MYRFL: variants seen among roughly 807,000 people sequenced by gnomAD.
MYRFL encodes myelin regulatory factor-like protein.
A neutral mutation model predicts 109.4 loss-of-function variants in MYRFL; 88 were observed. The observed-to-expected ratio is 0.80, with a 90% confidence interval of 0.68 to 0.96. The LOEUF is 0.96. Ranked by LOEUF, MYRFL falls within the 40% of genes least tolerant of loss-of-function variation. The probability of loss-of-function intolerance (pLI) is 0.00; values close to 1 mark genes in which losing one functional copy is unlikely to be tolerated. For synonymous variants in MYRFL, 324 were observed against 320.9 expected (o/e 1.01, Z -0.10); for missense variants, 957 against 954.9 (o/e 1.00, Z -0.03).
intron 17 of MYRFL, 43 bp downstream of exon 17, chr12:69,936,230 G>C (rs1450089938): frequency 2.0e-6 from 3 of 1,535,394 alleles, no homozygotes; most frequent in South Asian, 2.4e-5. Flanking sequence ...TTCCTTTGGA[G>C]AGAAGGATTT....
At chr12:69,928,779 A>G (rs1955179244) in intron 15 of MYRFL, among the ~76,000 whole-genome samples, 1 of 152,200 alleles carries the variant, frequency 6.6e-6, no homozygotes, top group Non-Finnish European at 1.5e-5. Flanking sequence ...CTCTTTGCAC[A>G]GCACTCAGCA....
At chr12:69,881,996 C>T (rs1415082658) in intron 5 of MYRFL, among the ~76,000 whole-genome samples, 16 of 152,182 alleles carry the variant, frequency 1.1e-4, no homozygotes, top group Non-Finnish European at 2.4e-4. Flanking sequence ...CAGGACAAGT[C>T]ACTCAAACCT....
intron 7 of MYRFL, among the ~76,000 whole-genome samples, chr12:69,891,666 TTTCTTTCTTTCTTTCTTTCGTTCG>T (rs1566002610): frequency 3.0e-5 from 3 of 101,640 alleles, no homozygotes; most frequent in Admixed American, 1.1e-4. Context: ...TCTTTCTTTC[TTTCTTTCTTTCTTTCTTTCGTTCG>T]TTCGTTCTTT....
intron 13 of MYRFL, 28 bp from the exon 14 acceptor site, chr12:69,926,543 T>C (rs532120076): frequency 1.4e-6 from 2 of 1,461,636 alleles, no homozygotes; most frequent in Non-Finnish European, 1.8e-6. Flanking sequence ...TGTTAATTTA[T>C]GCACTCTGTT....
At chr12:69,901,855 T>G in intron 10 of MYRFL, among the ~76,000 whole-genome samples, 1 of 147,248 alleles carries the variant, frequency 6.8e-6, no homozygotes, top group African/African-American at 2.5e-5. Context: ...CCCACTACCC[T>G]CCCACCCCAT....
intron 2 of MYRFL, among the ~76,000 whole-genome samples, chr12:69,860,951 T>A (rs1230809508): frequency 7.1e-6 from 1 of 140,332 alleles, no homozygotes; most frequent in African/African-American, 2.7e-5. Flanking sequence ...CCTGTGTCCA[T>A]GTGTTCTCAT....
intron 11 of MYRFL, 32 bp from the exon 12 acceptor site, chr12:69,909,937 G>C: frequency 2.8e-6 from 4 of 1,414,170 alleles, no homozygotes; most frequent in Non-Finnish European, 3.8e-6. Flanking sequence ...ATATCTATGC[G>C]AGTAAAATCT....
chr12:69,953,427 G>A (rs1396962960), intron 21 of MYRFL, among the ~76,000 whole-genome samples: 1 of 152,118 alleles, frequency 6.6e-6, no homozygotes, highest in Non-Finnish European at 1.5e-5. Flanking sequence ...AGAAGCAGAG[G>A]GTGCAAGTTG....
chr12:69,905,973 C>T (rs755208579), intron 11 of MYRFL, among the ~76,000 whole-genome samples: 67 of 152,132 alleles, frequency 4.4e-4, no homozygotes, highest in Non-Finnish European at 2.6e-4. Flanking sequence ...GGGGATCTGA[C>T]CCTTGGTCAA....
At chr12:69,884,942 C>T (rs577727190) in intron 5 of MYRFL, among the ~76,000 whole-genome samples, 10 of 152,148 alleles carry the variant, frequency 6.6e-5, no homozygotes, top group Non-Finnish European at 1.3e-4. Context: ...ATTGCTTGGC[C>T]CTTAAGTGTA....
chr12:69,831,736 C>T (rs556710954), intron 1 of MYRFL, among the ~76,000 whole-genome samples: 2 of 152,034 alleles, frequency 1.3e-5, no homozygotes, highest in African/African-American at 4.8e-5. Flanking sequence ...GATTTCTATC[C>T]TTGTATGAGA....
chr12:69,928,834 G>T (rs983143450), intron 15 of MYRFL, among the ~76,000 whole-genome samples: 2 of 152,164 alleles, frequency 1.3e-5, no homozygotes, highest in Non-Finnish European at 2.9e-5. Flanking sequence ...TGTAGGAAAG[G>T]TACCCTTTGG....
intron 13 of MYRFL, among the ~76,000 whole-genome samples, chr12:69,913,837 CA>C (rs2120401109): frequency 6.6e-6 from 1 of 152,278 alleles, no homozygotes; most frequent in South Asian, 2.1e-4. Context: ...CTGCAAAAGA[CA>C]ACGTTGGGAT....
At chr12:69,885,555 C>T (rs1042360935) in intron 5 of MYRFL, among the ~76,000 whole-genome samples, 1 of 152,116 alleles carries the variant, frequency 6.6e-6, no homozygotes, top group Non-Finnish European at 1.5e-5. Context: ...CCCACTATTT[C>T]CCATTCCCTC....
chr12:69,884,448 T>A (rs879657723), intron 5 of MYRFL, among the ~76,000 whole-genome samples: 3 of 152,174 alleles, frequency 2.0e-5, no homozygotes, highest in Non-Finnish European at 4.4e-5. Context: ...CCCTTACTGT[T>A]GTGATGACAA....
At chr12:69,937,065 A>G (rs1418785091) in intron 19 of MYRFL, among the ~76,000 whole-genome samples, 1 of 152,184 alleles carries the variant, frequency 6.6e-6, no homozygotes, top group Non-Finnish European at 1.5e-5. Flanking sequence ...GATTTAAGGC[A>G]GTGAAAAACA....
At position 69,855,316 on chromosome 12, in the gene MYRFL, T is replaced by C; in HGVS notation, c.83T>C (p.Leu28Pro). Residue 28 changes from leucine to proline, a missense_variant, in exon 2 of 25, where the codon CTG becomes CCG. Transcript: ENST00000552032. The stretch of plus-strand genomic sequence containing the variant: ...AATGGTACTCTGGAGAACCCAGCCC[T>C]GGACACAAGTCTGTTGGAGGAATTT... ...GANGTLENPA[L>P]DTSLLEEFLG... 1.4e-6 allele frequency: 1 copy of C among 702,760 alleles called. No homozygotes were observed. Among genetic ancestry groups the C allele is most frequent in the Non-Finnish European group, 2.6e-6 (1 of 384,794 alleles). 43.5% of individuals were successfully genotyped at this position (702,760 alleles called of 1,614,324 possible). A position where few individuals can be genotyped will look rare whatever the true frequency, so the allele number is the denominator to read the frequency against.
In MYRFL at chr12:69,909,974, C is replaced by T; in HGVS notation, c.1389C>T (p.Asp463=). The change falls in exon 12 of 25, where the codon GAC becomes GAT. Residue 463 remains aspartate, a synonymous_variant. Coordinates refer to ENST00000552032, the MANE Select transcript of MYRFL (RefSeq NM_182530.3). ...CTCTTCTTTAATTAAATTAGGTTGA[C>T]ACGAATGAACAGCTGAAAAGAATAG... is the stretch of plus-strand genomic sequence containing the variant. The part of the protein sequence containing the change: ...SRAKQNIQEV[D]TNEQLKRIAQ... The T allele has an allele frequency of 6.6e-7, 1 of 1,522,664 alleles. No individual in the cohort carries two copies. The highest frequency in any genetic ancestry group is 8.8e-7 in the Non-Finnish European group (1 of 1,142,830). The allele number at this position is 1,522,664 out of a possible 1,614,324, so 94.3% of individuals were successfully genotyped here. A position where few individuals can be genotyped will look rare whatever the true frequency, so the allele number is the denominator to read the frequency against.
At position 69,886,980 on chromosome 12, in the gene MYRFL, T is replaced by C; in HGVS notation, c.707+10T>C. ...GTCATTATGAAAAACTGTAAGTGGC[T>C]TGAGTGGGCTGGAGAGTGAGGGGAG... On this transcript the variant is annotated intron_variant, in intron 6 of 24. Transcript: ENST00000552032. The C allele has an allele frequency of 6.5e-7, 1 of 1,535,624 alleles. No homozygotes were observed. The highest frequency in any genetic ancestry group is 2.0e-5 in the Admixed American group (1 of 50,974).
Sources: gnomAD v4.1 joint callset for allele counts (sites outside exome capture counted in the v4.1 genomes callset) on GRCh38, gnomAD v4.1.1 for gene constraint, MANE v1.5 for transcripts, NCBI Gene and HGNC (gene_info 2026-07-23, HGNC 2026-07-21) for gene names.